RBM33: variants seen among roughly 807,000 people sequenced by gnomAD.
The protein encoded by RBM33 is RNA binding motif protein 33.
A neutral mutation model predicts 132.6 loss-of-function variants in RBM33; 28 were observed. That is an observed-to-expected ratio of 0.21 (90% CI 0.16 to 0.29). The LOEUF is 0.29. Ranked by LOEUF, RBM33 falls within the 10% of genes least tolerant of loss-of-function variation. The pLI, the probability that RBM33 is intolerant of heterozygous loss-of-function variation, is 1.00. For missense variants in RBM33, 1,291 were observed against 1,518.5 expected (o/e 0.85, Z 2.49); for synonymous variants, 634 against 593.0 (o/e 1.07, Z -1.01).
At chr7:155,667,677 C>A (rs1162069224) in intron 2 of RBM33, among the ~76,000 whole-genome samples, 1 of 152,074 alleles carries the variant, frequency 6.6e-6, no homozygotes, top group African/African-American at 2.4e-5. Context: ...GATGTGTGGC[C>A]TCCTGAGTGC....
At chr7:155,647,109 C>T (rs1798219945) in intron 1 of RBM33, among the ~76,000 whole-genome samples, 1 of 152,184 alleles carries the variant, frequency 6.6e-6, no homozygotes, top group Admixed American at 6.5e-5. Flanking sequence ...CAGTGACTTT[C>T]AAACTTCTTA....
Position 155,741,854 on chromosome 7 carries a change from G to T in RBM33, c.2085G>T (p.Met695Ile), listed in dbSNP as rs754010116. ...TTSQNVSKRP[M>I]QQMQPTAPRN... ...CTCAGAATGTAAGCAAGCGGCCCAT[G>T]CAGCAAATGCAGCCCACTGCGCCAA... The change falls in exon 13 of 18, where the codon ATG becomes ATT. Residue 695 changes from methionine (M) to isoleucine (I), a missense_variant. Coordinates refer to ENST00000401878, the MANE Select transcript of RBM33 (RefSeq NM_053043.3). 1 of 1,613,352 alleles carries T rather than the reference G, an allele frequency of 6.2e-7. No individual in the cohort carries two copies. Among genetic ancestry groups the T allele is most frequent in the Non-Finnish European group, 8.5e-7 (1 of 1,179,298 alleles).
At chr7:155,771,148 T>G (rs925976298) in intron 16 of RBM33, among the ~76,000 whole-genome samples, 2 of 152,328 alleles carry the variant, frequency 1.3e-5, no homozygotes, top group Admixed American at 1.3e-4. Context: ...TGAGACAAAT[T>G]CTAACTTGTG....
rs115172361 is a variant in RBM33, at chr7:155,765,256, T to C, written c.3187-1211T>C. 4.0e-3 allele frequency among the ~76,000 whole-genome samples: 612 copies of C among 152,340 alleles called. 6 individuals carry two copies. The highest frequency in any genetic ancestry group is 0.014 in the African/African-American group (580 of 41,574). On this transcript the variant is annotated intron_variant, in intron 15 of 17. Coordinates refer to ENST00000401878, the MANE Select transcript of RBM33 (RefSeq NM_053043.3). ...TATAAGTAGGCATTTGTTAGAGATA[T>C]TATTGTTAATATCATAACTTACTCT...
intron 5 of RBM33, among the ~76,000 whole-genome samples, chr7:155,696,736 A>C (rs1408578934): frequency 2.6e-5 from 4 of 152,080 alleles, no homozygotes; most frequent in Non-Finnish European, 4.4e-5. Context: ...TTTCCATTTG[A>C]CTGGTTTTTC....
At chr7:155,646,539 G>A (rs1047866375) in intron 1 of RBM33, among the ~76,000 whole-genome samples, 1 of 152,214 alleles carries the variant, frequency 6.6e-6, no homozygotes, top group African/African-American at 2.4e-5. Flanking sequence ...AGCATGTTGT[G>A]TGATTGCTTC....
intron 9 of RBM33, among the ~76,000 whole-genome samples, chr7:155,726,950 A>G (rs1800810123): frequency 6.6e-6 from 1 of 152,166 alleles, no homozygotes; most frequent in South Asian, 2.1e-4. Flanking sequence ...TCTTTGTCTC[A>G]TAGAGGAAAA....
chr7:155,644,964 T>C (rs1798135502), intron 1 of RBM33, 45 bp downstream of exon 1: 16 of 1,430,908 alleles, frequency 1.1e-5, no homozygotes, highest in Non-Finnish European at 1.5e-5. Context: ...CGCGCCGCGG[T>C]GGGCGGGGGT....
Position 155,775,270 on chromosome 7 carries a change from C to G in RBM33, c.*229C>G. The G allele has an allele frequency of 3.1e-6, 2 of 638,752 alleles. No homozygotes were observed. Among genetic ancestry groups the G allele is most frequent in the East Asian group, 5.5e-5 (2 of 36,074 alleles). The allele number at this position is 638,752 out of a possible 1,614,324, so 39.6% of individuals were successfully genotyped here. ...AGATTGCTTCACATTCTCTTGTCAC[C>G]ACCAAGAACTCCAAGTTTTTCGTTT... On this transcript the variant is annotated 3_prime_UTR_variant, in exon 18 of 18. Transcript: ENST00000401878.
chr7:155,678,066 A>G (rs1483388394), intron 3 of RBM33, among the ~76,000 whole-genome samples: 1 of 152,172 alleles, frequency 6.6e-6, no homozygotes, highest in Non-Finnish European at 1.5e-5. Flanking sequence ...AGGTAGGAGT[A>G]CCATCAAGAA....
Position 155,751,720 on chromosome 7 carries a change from C to T in RBM33, c.2979+6118C>T, listed in dbSNP as rs543852397. Among the ~76,000 whole-genome samples, 5 of 152,208 alleles carry T rather than the reference C, an allele frequency of 3.3e-5. No individual in the cohort carries two copies. The South Asian group carries it at 6.2e-4, about 19-fold the overall frequency. ...ATTGACAAGATTAACTTTGATGGGG[C>T]GGCGGGTGGGTAAAAGTGATGTTTG... On this transcript the variant is annotated intron_variant, in intron 14 of 17. Coordinates refer to ENST00000401878, the MANE Select transcript of RBM33 (RefSeq NM_053043.3).
chr7:155,775,999 C>A lies in RBM33; in HGVS notation c.*958C>A, dbSNP rs1039750505. On this transcript the variant is annotated 3_prime_UTR_variant, in exon 18 of 18. Transcript: ENST00000401878. ...GCTGTTCCAGCAGGGCTGCCCTGTT[C>A]ATCAGCGGATGTTCACTCTGGCCTG... The A allele has an allele frequency of 7.2e-5, 11 of 152,232 alleles. No homozygotes were observed. The highest frequency in any genetic ancestry group is 5.2e-4 in the Admixed American group (8 of 15,282). The allele number at this position is 152,232 out of a possible 1,614,324, so 9.4% of individuals were successfully genotyped here.
chr7:155,721,764 C>G (rs1800634903), intron 9 of RBM33, among the ~76,000 whole-genome samples: 1 of 152,068 alleles, frequency 6.6e-6, no homozygotes. Context: ...TAAAATTATT[C>G]TTAAAAATCC....
At chr7:155,686,708 CTA>C (rs1799489419) in intron 5 of RBM33, among the ~76,000 whole-genome samples, 1 of 152,052 alleles carries the variant, frequency 6.6e-6, no homozygotes, top group African/African-American at 2.4e-5. Flanking sequence ...CAGTTCCCAC[CTA>C]TGAGTGAGAA....
chr7:155,673,021 T>A, intron 3 of RBM33, 106 bp downstream of exon 3: 1 of 641,512 alleles, frequency 1.6e-6, no homozygotes, highest in Non-Finnish European at 2.5e-6. Flanking sequence ...AAGTTGGGTA[T>A]AGATTAAAAT....
intron 7 of RBM33, among the ~76,000 whole-genome samples, chr7:155,708,362 C>T (rs979554586): frequency 2.0e-5 from 3 of 152,190 alleles, no homozygotes; most frequent in Non-Finnish European, 2.9e-5. Flanking sequence ...CTGTCTCCGC[C>T]GCAAACCTCC....
intron 13 of RBM33, among the ~76,000 whole-genome samples, chr7:155,744,553 A>T (rs1585519337): frequency 6.6e-6 from 1 of 152,234 alleles, no homozygotes; most frequent in East Asian, 1.9e-4. Flanking sequence ...TTCTAATCAG[A>T]GCCTTTCAGG....
intron 9 of RBM33, among the ~76,000 whole-genome samples, chr7:155,725,912 A>G (rs1218085090): frequency 6.6e-6 from 1 of 152,202 alleles, no homozygotes; most frequent in Non-Finnish European, 1.5e-5. Flanking sequence ...ACCCTCTAGG[A>G]AGGTGAATAT....
intron 16 of RBM33, among the ~76,000 whole-genome samples, chr7:155,771,946 T>C (rs1269254135): frequency 1.3e-5 from 2 of 152,102 alleles, no homozygotes; most frequent in African/African-American, 4.8e-5. Context: ...CTCACTTGAG[T>C]ATAGTACTTC....
Sources: allele counts gnomAD v4.1 joint callset (sites outside exome capture counted in the v4.1 genomes callset), GRCh38; gene constraint gnomAD v4.1.1; transcripts MANE v1.5; gene names NCBI Gene and HGNC (gene_info 2026-07-23, HGNC 2026-07-21).